ATG3: variants seen among roughly 807,000 people sequenced by gnomAD.
ATG3 encodes ubiquitin-like-conjugating enzyme ATG3.
A neutral mutation model predicts 50.7 loss-of-function variants in ATG3; 25 were observed. The ratio of observed to expected loss-of-function variants is 0.49; its 90% CI spans 0.36 to 0.69. The LOEUF is 0.69. Ranked by LOEUF, ATG3 falls within the 30% of genes least tolerant of loss-of-function variation. The pLI, the probability that ATG3 is intolerant of heterozygous loss-of-function variation, is 0.00. For missense variants in ATG3, 281 were observed against 376.0 expected (o/e 0.75, Z 2.09); for synonymous variants, 119 against 125.5 (o/e 0.95, Z 0.34).
In ATG3 at chr3:112,537,807, T is replaced by C. The variant is rs199559264; in HGVS notation, c.594A>G (p.Arg198=). 1.1e-4 allele frequency: 183 copies of C among 1,612,794 alleles called. 2 individuals carry two copies. The Middle Eastern group carries it at 5.1e-3, about 45-fold the overall frequency. ...CATAAGTGATGTAAAGGTCATAAGT[T>C]CTGGTTTGCAAAATAGCATCTTCAC... The part of the protein sequence containing the change: ...AGGEDAILQT[R]TYDLYITYDK... Residue 198 remains arginine, a synonymous_variant, in exon 9 of 12, where the codon AGA becomes AGG. Coordinates refer to ENST00000283290, the MANE Select transcript of ATG3 (RefSeq NM_022488.5).
chr3:112,547,466 G>A (rs1007872017), intron 5 of ATG3, among the ~76,000 whole-genome samples: 2 of 152,028 alleles, frequency 1.3e-5, no homozygotes, highest in African/African-American at 4.8e-5. Context: ...GGACTCAAAG[G>A]GAGAAAAATT....
chr3:112,547,731 T>C (rs1489747283), intron 5 of ATG3, among the ~76,000 whole-genome samples: 1 of 152,238 alleles, frequency 6.6e-6, no homozygotes, highest in Admixed American at 6.5e-5. Context: ...CATCATACAC[T>C]GTGATAGATA....
intron 2 of ATG3, among the ~76,000 whole-genome samples, chr3:112,555,109 T>G (rs1239933668): frequency 6.6e-6 from 1 of 152,220 alleles, no homozygotes. Flanking sequence ...TTTCATTGTA[T>G]TGCCTTGAGG....
At position 112,534,278 on chromosome 3, in the gene ATG3, C is replaced by G; in HGVS notation, c.854G>C (p.Gly285Ala). ...ATACAGGGAAGGATACATATGAACTCCAAGTTCTCCCCCTCCTTCTGCAAC... is the reference window on the plus strand; with the variant it reads ...ATACAGGGAAGGATACATATGAACTGCAAGTTCTCCCCCTCCTTCTGCAAC... ...ETVAEGGGEL[G>A]VHMYLLIFLK... Residue 285 changes from glycine (G) to alanine (A), a missense_variant, in exon 11 of 12, where the codon GGA (glycine) becomes GCA (alanine). Transcript: ENST00000283290. 2.5e-6 allele frequency: 4 copies of G among 1,600,742 alleles called. No homozygotes were observed. The highest frequency in any genetic ancestry group is 3.4e-6 in the Non-Finnish European group (4 of 1,173,838).
intron 7 of ATG3, among the ~76,000 whole-genome samples, chr3:112,539,481 A>C (rs1933167093): frequency 6.6e-6 from 1 of 152,200 alleles, no homozygotes; most frequent in Non-Finnish European, 1.5e-5. Flanking sequence ...AATGGCGTGT[A>C]CTTTCAATTA....
intron 3 of ATG3, among the ~76,000 whole-genome samples, chr3:112,552,193 T>C: frequency 6.6e-6 from 1 of 152,208 alleles, no homozygotes; most frequent in East Asian, 1.9e-4. Flanking sequence ...TTGAAGCACC[T>C]ATATACAAAC....
At chr3:112,545,249 G>T (rs1031800671) in intron 5 of ATG3, among the ~76,000 whole-genome samples, 2 of 152,134 alleles carry the variant, frequency 1.3e-5, no homozygotes, top group African/African-American at 2.4e-5. Context: ...TGCACTCTAC[G>T]GGGCAAATAC....
intron 2 of ATG3, among the ~76,000 whole-genome samples, chr3:112,557,110 G>A (rs574587592): frequency 6.6e-6 from 1 of 151,344 alleles, no homozygotes; most frequent in African/African-American, 2.4e-5. Context: ...AAAAACAAAA[G>A]ACAATTTTAG....
In ATG3 at chr3:112,561,530, C is replaced by T. The variant is rs770864436; in HGVS notation, c.-2G>A. The T allele has an allele frequency of 1.3e-6, 2 of 1,562,156 alleles. No individual in the cohort carries two copies. Among genetic ancestry groups the T allele is most frequent in the East Asian group, 4.9e-5 (2 of 40,618 alleles). Reference sequence around the variant, plus strand: ...CACAGTATTAATCACATTCTGCATCCTGGGGCCGGAGTAGCGGCCGGCCCC... The same window carrying T: ...CACAGTATTAATCACATTCTGCATCTTGGGGCCGGAGTAGCGGCCGGCCCC... On this transcript the variant is annotated 5_prime_UTR_variant, in exon 1 of 12. Coordinates refer to ENST00000283290, the MANE Select transcript of ATG3 (RefSeq NM_022488.5).
intron 5 of ATG3, 64 bp downstream of exon 5, chr3:112,548,469 A>C: frequency 7.6e-7 from 1 of 1,308,886 alleles, no homozygotes; most frequent in East Asian, 2.4e-5. Context: ...AATCAAGGCT[A>C]TTATAAAAGA....
chr3:112,552,309 A>G (rs1458208574), intron 3 of ATG3, among the ~76,000 whole-genome samples: 1 of 152,202 alleles, frequency 6.6e-6, no homozygotes, highest in Non-Finnish European at 1.5e-5. Flanking sequence ...ACTTGGAAGT[A>G]ATAAAACACT....
At chr3:112,560,145 G>A (rs896224350) in intron 1 of ATG3, among the ~76,000 whole-genome samples, 4 of 152,056 alleles carry the variant, frequency 2.6e-5, no homozygotes, top group African/African-American at 9.7e-5. Context: ...ATTTCATTTG[G>A]GCAGTCTCTT....
intron 4 of ATG3, 63 bp downstream of exon 4, chr3:112,550,129 C>A: frequency 4.1e-6 from 5 of 1,222,230 alleles, no homozygotes; most frequent in South Asian, 1.4e-5. Flanking sequence ...ATAGAAAAAC[C>A]GAGAGCTTCA....
At chr3:112,546,242 A>G (rs982406533) in intron 5 of ATG3, among the ~76,000 whole-genome samples, 1 of 152,244 alleles carries the variant, frequency 6.6e-6, no homozygotes, top group Non-Finnish European at 1.5e-5. Context: ...TCTGTGGGGA[A>G]TACATTCCAA....
chr3:112,533,778 A>C, intron 11 of ATG3: 1 of 985,324 alleles, frequency 1.0e-6, no homozygotes, highest in Non-Finnish European at 1.2e-6. Context: ...AACTATAGTA[A>C]GATACAAGAA....
intron 5 of ATG3, among the ~76,000 whole-genome samples, chr3:112,547,670 T>C (rs1239323220): frequency 6.6e-6 from 1 of 152,230 alleles, no homozygotes; most frequent in Non-Finnish European, 1.5e-5. Flanking sequence ...GAAACACTTA[T>C]AAAAACCTTG....
intron 2 of ATG3, among the ~76,000 whole-genome samples, chr3:112,556,336 C>T (rs79374505): frequency 0.067 from 10,190 of 151,740 alleles, 390 homozygotes; most frequent in Admixed American, 0.12. Flanking sequence ...CCCCTCTGCC[C>T]GGCCGCCCCT....
intron 1 of ATG3, among the ~76,000 whole-genome samples, chr3:112,559,181 T>C (rs544126810): frequency 5.8e-4 from 88 of 152,250 alleles, no homozygotes; most frequent in Admixed American, 1.6e-3. Flanking sequence ...GCCAGTCTTA[T>C]TTAAACTGAA....
In ATG3 at chr3:112,553,074, T is replaced by G. The variant is rs150184318; in HGVS notation, c.164+206A>C. Among the ~76,000 whole-genome samples, 9 of 152,342 alleles carry G rather than the reference T, an allele frequency of 5.9e-5. No individual in the cohort carries two copies. The East Asian group carries it at 1.7e-3, about 29-fold the overall frequency. The stretch of plus-strand genomic sequence containing the variant: ...ATTTTTCTCAAATTAGTCCATCATA[T>G]TGTGCTAACATAGCCAAATAACATA... On this transcript the variant is annotated intron_variant, in intron 3 of 11. Coordinates refer to ENST00000283290, the MANE Select transcript of ATG3 (RefSeq NM_022488.5).
Sources: allele counts gnomAD v4.1 joint callset (sites outside exome capture counted in the v4.1 genomes callset), GRCh38; gene constraint gnomAD v4.1.1; transcripts MANE v1.5; gene names NCBI Gene and HGNC (gene_info 2026-07-23, HGNC 2026-07-21).